MEI4: variants seen among roughly 807,000 people sequenced by gnomAD.
MEI4 encodes meiosis-specific protein MEI4.
A neutral mutation model predicts 31.4 loss-of-function variants in MEI4; 27 were observed. The observed-to-expected ratio is 0.86, with a 90% confidence interval of 0.63 to 1.19. MEI4 has a LOEUF of 1.19. Among genes scored for constraint, MEI4 ranks in the 50% most tolerant of loss-of-function variants. The pLI, the probability that MEI4 is intolerant of heterozygous loss-of-function variation, is 0.00. For missense variants in MEI4, 329 were observed against 398.9 expected (o/e 0.82, Z 1.49); for synonymous variants, 122 against 145.4 (o/e 0.84, Z 1.16).
In MEI4 at chr6:77,776,156, G is replaced by GTT. The variant is rs71809709; in HGVS notation, c.768+14500_768+14501dup. 2.1e-5 allele frequency among the ~76,000 whole-genome samples: 3 copies of GTT among 143,366 alleles called. 1 individual carries two copies. The highest frequency in any genetic ancestry group is 7.8e-5 in the African/African-American group (3 of 38,402). 94.1% of individuals were successfully genotyped at this position (143,366 alleles called of 152,430 possible). A position where few individuals can be genotyped will look rare whatever the true frequency, so the allele number is the denominator to read the frequency against. On this transcript the variant is annotated intron_variant, in intron 3 of 4. Coordinates refer to ENST00000684080, the MANE Select transcript of MEI4 (RefSeq NM_001322247.2). ...GGGATGTCTGTTTACTCTGCTAATT[G>GTT]TTTTTTTTTTGTTTTTGTTTTTGTT... is the stretch of plus-strand genomic sequence containing the variant.
chr6:77,688,858 G>A (rs1290704483), intron 1 of MEI4, among the ~76,000 whole-genome samples: 1 of 152,066 alleles, frequency 6.6e-6, no homozygotes, highest in Non-Finnish European at 1.5e-5. Context: ...AGAGTAATGA[G>A]TGTCAGAGTC....
At chr6:77,699,147 G>A (rs1186967135) in intron 2 of MEI4, among the ~76,000 whole-genome samples, 1 of 147,668 alleles carries the variant, frequency 6.8e-6, no homozygotes, top group Non-Finnish European at 1.5e-5. Flanking sequence ...CTCTGCACTG[G>A]TTATTCTAGT....
chr6:77,923,241 T>C lies in MEI4; in HGVS notation c.1053T>C (p.Asp351=), dbSNP rs1766752935. The C allele has an allele frequency of 8.1e-6, 10 of 1,230,536 alleles. No individual in the cohort carries two copies. The highest frequency in any genetic ancestry group is 1.0e-5 in the Non-Finnish European group (10 of 986,896). The allele number at this position is 1,230,536 out of a possible 1,614,324, so 76.2% of individuals were successfully genotyped here. ...TCAAGAAATTTCTTCAGAAGCATGA[T>C]GAAACTATTTTCCAACTTTCTGATG... ...QEIKKFLQKH[D]ETIFQLSDAF... Residue 351 remains aspartate (D), a synonymous_variant, in exon 5 of 5, where the codon GAT becomes GAC. Transcript: ENST00000684080.
chr6:77,710,207 C>T (rs537806428), intron 2 of MEI4, among the ~76,000 whole-genome samples: 17 of 152,120 alleles, frequency 1.1e-4, no homozygotes, highest in South Asian at 6.2e-4. Flanking sequence ...ACCTGGATTC[C>T]GGCAGGCCTG....
intron 1 of MEI4, among the ~76,000 whole-genome samples, chr6:77,685,882 A>G (rs1005877494): frequency 6.6e-6 from 1 of 152,072 alleles, no homozygotes; most frequent in East Asian, 1.9e-4. Context: ...AACTATAGTG[A>G]TATGGTTTTG....
At chr6:77,736,240 G>T (rs1012283882) in intron 2 of MEI4, among the ~76,000 whole-genome samples, 22 of 152,000 alleles carry the variant, frequency 1.4e-4, no homozygotes, top group African/African-American at 5.1e-4. Context: ...CAACCTTGCT[G>T]CCCCCTTGCA....
At chr6:77,773,971 T>G (rs1448405952) in intron 3 of MEI4, among the ~76,000 whole-genome samples, 2 of 152,064 alleles carry the variant, frequency 1.3e-5, no homozygotes, top group South Asian at 4.1e-4. Flanking sequence ...AGATGTAATC[T>G]TACCCCAATT....
chr6:77,833,771 G>C (rs1403266959), intron 4 of MEI4, among the ~76,000 whole-genome samples: 1 of 152,048 alleles, frequency 6.6e-6, no homozygotes, highest in Non-Finnish European at 1.5e-5. Context: ...TTTGTCTAAT[G>C]CTCTCCCCTA....
chr6:77,877,277 A>G (rs145014927), intron 4 of MEI4, among the ~76,000 whole-genome samples: 50 of 151,930 alleles, frequency 3.3e-4, no homozygotes, highest in African/African-American at 1.1e-3. Context: ...GAAAATATAT[A>G]TATATTTTAT....
chr6:77,737,430 A>C (rs922332272), intron 2 of MEI4, among the ~76,000 whole-genome samples: 2 of 152,020 alleles, frequency 1.3e-5, no homozygotes, highest in Non-Finnish European at 2.9e-5. Flanking sequence ...TCTTAACAAT[A>C]AAGGCTCGGG....
intron 2 of MEI4, among the ~76,000 whole-genome samples, chr6:77,697,398 G>A (rs568845882): frequency 6.6e-6 from 1 of 152,118 alleles, no homozygotes; most frequent in East Asian, 1.9e-4. Context: ...TCTCTTGTGG[G>A]CATTTAGTGC....
intron 2 of MEI4, among the ~76,000 whole-genome samples, chr6:77,748,604 C>A (rs1205329479): frequency 6.6e-6 from 1 of 152,180 alleles, no homozygotes; most frequent in Non-Finnish European, 1.5e-5. Context: ...TCTCTGACAT[C>A]CGTGGAGACA....
At chr6:77,659,866 C>T (rs549727456) in intron 1 of MEI4, among the ~76,000 whole-genome samples, 36 of 152,058 alleles carry the variant, frequency 2.4e-4, no homozygotes, top group South Asian at 2.1e-4. Context: ...GGGTCTCTGC[C>T]GAGAGATACA....
At chr6:77,656,795 TTTTAA>T (rs1272777125) in intron 1 of MEI4, among the ~76,000 whole-genome samples, 2 of 152,184 alleles carry the variant, frequency 1.3e-5, no homozygotes, top group African/African-American at 2.4e-5. Context: ...AAAGATTATC[TTTTAA>T]TTAAAAAAAT....
intron 4 of MEI4, among the ~76,000 whole-genome samples, chr6:77,874,589 C>T (rs1203778207): frequency 2.6e-5 from 4 of 152,190 alleles, no homozygotes; most frequent in Non-Finnish European, 4.4e-5. Flanking sequence ...TAATTGAATA[C>T]CCTTTATTTC....
intron 3 of MEI4, among the ~76,000 whole-genome samples, chr6:77,773,222 C>A (rs1021338870): frequency 6.6e-6 from 1 of 151,754 alleles, no homozygotes; most frequent in Non-Finnish European, 1.5e-5. Flanking sequence ...CACAAAAGAC[C>A]CAGAATAGCC....
chr6:77,813,180 G>C (rs557012369), intron 3 of MEI4, among the ~76,000 whole-genome samples: 2 of 152,176 alleles, frequency 1.3e-5, no homozygotes, highest in African/African-American at 4.8e-5. Flanking sequence ...AGATATATTT[G>C]TGTCATTATT....
At chr6:77,690,321 A>G (rs970875794) in intron 1 of MEI4, among the ~76,000 whole-genome samples, 1 of 152,010 alleles carries the variant, frequency 6.6e-6, no homozygotes, top group Non-Finnish European at 1.5e-5. Flanking sequence ...ATTTTGAGGG[A>G]GTATATTTTG....
intron 1 of MEI4, among the ~76,000 whole-genome samples, chr6:77,674,321 T>A: frequency 6.6e-6 from 1 of 152,138 alleles, no homozygotes; most frequent in East Asian, 1.9e-4. Context: ...AATGCAGTCA[T>A]GTACCACATG....
Sources: allele counts gnomAD v4.1 joint callset (sites outside exome capture counted in the v4.1 genomes callset), GRCh38; gene constraint gnomAD v4.1.1; transcripts MANE v1.5; gene names NCBI Gene and HGNC (gene_info 2026-07-23, HGNC 2026-07-21).